Variants in PPP6R3 observed in about 807,000 individuals in gnomAD.
PPP6R3 encodes protein phosphatase 6 regulatory subunit 3.
A neutral mutation model predicts 110.7 loss-of-function variants in PPP6R3; 38 were observed. The observed-to-expected ratio is 0.34, with a 90% CI of 0.26 to 0.45. PPP6R3 has a LOEUF of 0.45. Among genes scored for constraint, PPP6R3 ranks in the 20% least tolerant of loss-of-function variants. The probability of loss-of-function intolerance (pLI) is 1.00; values close to 1 mark genes in which losing one functional copy is unlikely to be tolerated. For synonymous variants in PPP6R3, 369 were observed against 373.5 expected (o/e 0.99, Z 0.14); for missense variants, 870 against 1,062.4 (o/e 0.82, Z 2.52).
At chr11:68,539,974 A>G (rs2099302744) in intron 3 of PPP6R3, among the ~76,000 whole-genome samples, 1 of 152,224 alleles carries the variant, frequency 6.6e-6, no homozygotes, top group African/African-American at 2.4e-5. Context: ...GGAAGCACTA[A>G]TGTGCTCATG....
chr11:68,589,735 T>C (rs1240811783), intron 16 of PPP6R3, among the ~76,000 whole-genome samples: 2 of 152,226 alleles, frequency 1.3e-5, no homozygotes, highest in Admixed American at 6.5e-5. Flanking sequence ...AGCCTGTTGT[T>C]TGTCACAGGT....
intron 5 of PPP6R3, among the ~76,000 whole-genome samples, chr11:68,550,251 CTTTG>C (rs1364887569): frequency 1.3e-5 from 2 of 152,116 alleles, no homozygotes; most frequent in South Asian, 2.1e-4. Context: ...TCACATTTTC[CTTTG>C]TTTGGTGTTT....
chr11:68,608,726 G>A lies in PPP6R3; in HGVS notation c.2451-1178G>A, dbSNP rs560995052. ...GTCAGTGGGGACAGTGGGTCTCCCC[G>A]ACTTGCTGAGTTAAGAGGTAAATAC... is the stretch of plus-strand genomic sequence containing the variant. On this transcript the variant is annotated intron_variant, in intron 22 of 23. Coordinates refer to ENST00000393800, the MANE Select transcript of PPP6R3 (RefSeq NM_001164161.2). 3.9e-5 allele frequency among the ~76,000 whole-genome samples: 6 copies of A among 152,296 alleles called. No homozygotes were observed. In the South Asian group the frequency reaches 1.2e-3, roughly 32 times the overall value.
intron 2 of PPP6R3, among the ~76,000 whole-genome samples, chr11:68,532,664 A>G (rs1377903538): frequency 6.6e-6 from 1 of 152,172 alleles, no homozygotes; most frequent in South Asian, 2.1e-4. Context: ...CCTGTTACCT[A>G]ATGACTGATA....
intron 21 of PPP6R3, among the ~76,000 whole-genome samples, chr11:68,602,492 G>C (rs7927592): frequency 1.3e-5 from 2 of 151,942 alleles, no homozygotes; most frequent in African/African-American, 4.8e-5. Context: ...CTTGATGGAC[G>C]GGGCTTTGGG....
At chr11:68,464,272 C>T (rs561462671) in intron 1 of PPP6R3, among the ~76,000 whole-genome samples, 3 of 152,132 alleles carry the variant, frequency 2.0e-5, no homozygotes, top group African/African-American at 7.2e-5. Flanking sequence ...GCGGGGATTA[C>T]AGGCACCCGC....
intron 1 of PPP6R3, among the ~76,000 whole-genome samples, chr11:68,478,059 C>G (rs1336690508): frequency 6.6e-6 from 1 of 151,780 alleles, no homozygotes; most frequent in East Asian, 1.9e-4. Context: ...AAGCGATTGT[C>G]CTGCCTCAGC....
At chr11:68,474,155 T>A (rs1436261813) in intron 1 of PPP6R3, among the ~76,000 whole-genome samples, 1 of 151,826 alleles carries the variant, frequency 6.6e-6, no homozygotes, top group Non-Finnish European at 1.5e-5. Context: ...AGGAATCCTC[T>A]CGCTTCAGCC....
chr11:68,499,848 A>G (rs1055188635), intron 1 of PPP6R3, among the ~76,000 whole-genome samples: 15 of 152,154 alleles, frequency 9.9e-5, no homozygotes, highest in African/African-American at 3.6e-4. Context: ...GCTAGGGATT[A>G]TAGGCAAGAG....
intron 1 of PPP6R3, among the ~76,000 whole-genome samples, chr11:68,473,217 C>T (rs57557564): frequency 0.047 from 7,149 of 152,224 alleles, 609 homozygotes; most frequent in African/African-American, 0.16. Flanking sequence ...CCACCTCCAG[C>T]CTTCAGTGAG....
intron 21 of PPP6R3, 90 bp from the exon 22 acceptor site, chr11:68,603,252 G>C (rs2099637295): frequency 1.3e-6 from 2 of 1,500,094 alleles, no homozygotes; most frequent in East Asian, 4.6e-5. Flanking sequence ...AGCAGTAGAT[G>C]TCACGTTGGG....
intron 2 of PPP6R3, among the ~76,000 whole-genome samples, chr11:68,521,694 G>C (rs762656938): frequency 8.5e-5 from 13 of 152,204 alleles, no homozygotes; most frequent in Admixed American, 3.9e-4. Context: ...TAGGTTTTGC[G>C]GGCCAAGAGG....
At chr11:68,561,420 G>T (rs1439177748) in intron 8 of PPP6R3, among the ~76,000 whole-genome samples, 1 of 152,080 alleles carries the variant, frequency 6.6e-6, no homozygotes, top group Non-Finnish European at 1.5e-5. Context: ...TTGATTTCCA[G>T]TTAATTGAGT....
At chr11:68,462,960 A>G (rs1014550269) in intron 1 of PPP6R3, among the ~76,000 whole-genome samples, 3 of 152,214 alleles carry the variant, frequency 2.0e-5, no homozygotes, top group African/African-American at 7.2e-5. Context: ...AGCAAAGCAA[A>G]GTCAACAAGC....
chr11:68,504,933 A>G (rs1355692769), intron 1 of PPP6R3, among the ~76,000 whole-genome samples: 1 of 152,228 alleles, frequency 6.6e-6, no homozygotes, highest in Admixed American at 6.5e-5. Flanking sequence ...TTGACATTGT[A>G]CAACTTTACA....
In PPP6R3 at chr11:68,564,381, C is replaced by T. The variant is rs2099447572; in HGVS notation, c.924C>T (p.Ala308=). Residue 308 remains alanine, a synonymous_variant, in exon 9 of 24, where the codon GCC becomes GCT. Transcript: ENST00000393800. ...CAGTAAACAAGAGTGTTCTAGAAGC[C>T]ATCAGAGGAAGACTTGGATCTTTTC... ...ACSVNKSVLE[A]IRGRLGSFHE... The T allele has an allele frequency of 6.2e-7, 1 of 1,613,736 alleles. No homozygotes were observed. The highest frequency in any genetic ancestry group is 8.5e-7 in the Non-Finnish European group (1 of 1,179,632).
At chr11:68,468,877 G>C (rs1226219546) in intron 1 of PPP6R3, among the ~76,000 whole-genome samples, 1 of 152,144 alleles carries the variant, frequency 6.6e-6, no homozygotes, top group Non-Finnish European at 1.5e-5. Context: ...TTCTTTTCTG[G>C]CACACAGGAC....
chr11:68,563,048 C>CT (rs911831510), intron 8 of PPP6R3, among the ~76,000 whole-genome samples: 1 of 151,380 alleles, frequency 6.6e-6, no homozygotes, highest in African/African-American at 2.4e-5. Flanking sequence ...TGGCTCATGC[C>CT]TAGCACTTTG....
chr11:68,570,564 CT>C (rs1398636319), intron 11 of PPP6R3, among the ~76,000 whole-genome samples: 2 of 152,214 alleles, frequency 1.3e-5, no homozygotes, highest in African/African-American at 2.4e-5. Flanking sequence ...GACTTGCAGA[CT>C]TTGGGCAAAA....
Sources: gnomAD v4.1 joint callset for allele counts (sites outside exome capture counted in the v4.1 genomes callset) on GRCh38, gnomAD v4.1.1 for gene constraint, MANE v1.5 for transcripts, NCBI Gene and HGNC (gene_info 2026-07-23, HGNC 2026-07-21) for gene names.